The following CSMD1 variants were observed in gnomAD, a reference collection of about 807,000 sequenced individuals.
CSMD1 encodes the protein CUB and Sushi multiple domains 1.
Under a neutral mutation model 417.5 loss-of-function variants are expected in CSMD1, and 213 were observed. That is an observed-to-expected ratio of 0.51 (90% CI 0.46 to 0.57). The LOEUF (loss-of-function observed/expected upper bound fraction) is 0.57, where lower values mean the gene tolerates loss of function less well. Among genes scored for constraint, CSMD1 ranks in the 20% least tolerant of loss-of-function variants. The pLI is 0.00. For missense variants in CSMD1, 6,923 were observed against 4,529.7 expected (o/e 1.53, Z -15.17); for synonymous variants, 2,862 against 1,736.8 (o/e 1.65, Z -16.11).
intron 40 of CSMD1, among the ~76,000 whole-genome samples, chr8:3,143,552 A>G (rs117499126): frequency 0.053 from 8,079 of 152,268 alleles, 227 homozygotes; most frequent in Non-Finnish European, 0.067. Flanking sequence ...AACTTATTTG[A>G]CTACTATGTC....
intron 3 of CSMD1, among the ~76,000 whole-genome samples, chr8:4,270,093 A>C (rs148047306): frequency 6.6e-6 from 1 of 152,292 alleles, no homozygotes; most frequent in Non-Finnish European, 1.5e-5. Flanking sequence ...TGATCAGATC[A>C]ATATTTCAGC....
At chr8:2,959,653 C>T (rs1030324641) in intron 62 of CSMD1, among the ~76,000 whole-genome samples, 7 of 151,904 alleles carry the variant, frequency 4.6e-5, no homozygotes, top group Non-Finnish European at 1.0e-4. Flanking sequence ...GGCTGGAGAA[C>T]GGGAGGTAGT....
intron 1 of CSMD1, among the ~76,000 whole-genome samples, chr8:4,833,360 A>G (rs142458293): frequency 6.6e-6 from 1 of 152,278 alleles, no homozygotes; most frequent in Non-Finnish European, 1.5e-5. Flanking sequence ...AGGAAGTGCT[A>G]CACACTTTCA....
At position 4,748,220 on chromosome 8, in the gene CSMD1, G is replaced by T. The variant is rs560569658; in HGVS notation, c.86-110662C>A. On this transcript the variant is annotated intron_variant, in intron 1 of 69. Transcript: ENST00000635120. ...TGCTCAAATTCCTTTCTCTTAAATG[G>T]AAACAAGAAGAAAAGCAATTCAAGC... is the stretch of plus-strand genomic sequence containing the variant. Among the ~76,000 whole-genome samples the T allele has an allele frequency of 6.2e-4, 95 of 152,236 alleles. 2 individuals are homozygous for T. The South Asian group carries it at 8.7e-3, about 14-fold the overall frequency.
chr8:4,512,104 G>A (rs569838365), intron 2 of CSMD1, among the ~76,000 whole-genome samples: 2 of 152,106 alleles, frequency 1.3e-5, no homozygotes, highest in Non-Finnish European at 2.9e-5. Flanking sequence ...GTTTCACTGG[G>A]ATTCATCTCA....
chr8:4,574,286 T>C (rs558278624), intron 2 of CSMD1, among the ~76,000 whole-genome samples: 1 of 152,180 alleles, frequency 6.6e-6, no homozygotes, highest in Non-Finnish European at 1.5e-5. Context: ...GTTTGTTGGA[T>C]GCAGAAACTG....
intron 5 of CSMD1, among the ~76,000 whole-genome samples, chr8:3,815,596 A>C (rs990387121): frequency 9.3e-5 from 14 of 151,016 alleles, no homozygotes; most frequent in African/African-American, 3.4e-4. Context: ...AATTAATATG[A>C]CTTAAAAATG....
At chr8:2,957,636 G>T (rs945752867) in intron 63 of CSMD1, 60 bp downstream of exon 63, 1 of 1,069,156 alleles carries the variant, frequency 9.4e-7, no homozygotes, top group Non-Finnish European at 1.4e-6. Flanking sequence ...TGGTAAACAC[G>T]TCTCAGACAT....
chr8:4,421,905 G>C (rs1036964720), intron 2 of CSMD1, among the ~76,000 whole-genome samples: 2 of 151,916 alleles, frequency 1.3e-5, no homozygotes, highest in East Asian at 1.9e-4. Context: ...AATTGAAAAA[G>C]ACTGACTAAA....
intron 12 of CSMD1, among the ~76,000 whole-genome samples, chr8:3,433,498 G>T (rs574889638): frequency 3.9e-5 from 6 of 152,018 alleles, no homozygotes; most frequent in Admixed American, 2.0e-4. Flanking sequence ...TTGCTTCTTG[G>T]TTCATTTTTC....
At chr8:3,411,935 TATATATGCAC>T (rs1234274396) in intron 12 of CSMD1, among the ~76,000 whole-genome samples, 1 of 125,598 alleles carries the variant, frequency 8.0e-6, no homozygotes, top group African/African-American at 3.0e-5. Context: ...TATATACACG[TATATATGCAC>T]GTATATATAC....
rs1282186937 is a variant in CSMD1, at chr8:4,266,203, G to T, written c.415+153750C>A. On this transcript the variant is annotated intron_variant, in intron 3 of 69. Transcript: ENST00000635120. ...ATTCACCAAGTTGGAGGTTTTTTAC[G>T]TTATTTTTTCTAAGTGGAATGGTAA... is the stretch of plus-strand genomic sequence containing the variant. Among the ~76,000 whole-genome samples, 11 of 103,984 alleles carry T rather than the reference G, an allele frequency of 1.1e-4. 1 individual carries two copies. Among genetic ancestry groups the T allele is most frequent in the African/African-American group, 2.9e-4 (11 of 38,112 alleles). The allele number at this position is 103,984 out of a possible 152,430, so 68.2% of individuals were successfully genotyped here.
At chr8:3,054,086 G>C (rs996604449) in intron 49 of CSMD1, among the ~76,000 whole-genome samples, 1 of 152,170 alleles carries the variant, frequency 6.6e-6, no homozygotes, top group African/African-American at 2.4e-5. Context: ...CAAATCTTAT[G>C]ACTCCCAAAC....
intron 1 of CSMD1, among the ~76,000 whole-genome samples, chr8:4,983,113 A>G (rs577243243): frequency 6.6e-6 from 1 of 152,370 alleles, no homozygotes; most frequent in East Asian, 1.9e-4. Flanking sequence ...AAAAACAGTC[A>G]AGAAACAGAA....
intron 3 of CSMD1, among the ~76,000 whole-genome samples, chr8:4,418,053 T>C (rs768060581): frequency 6.6e-6 from 1 of 152,050 alleles, no homozygotes; most frequent in African/African-American, 2.4e-5. Flanking sequence ...GGAAGCTAAC[T>C]GATAAATAGA....
chr8:4,557,622 G>T (rs1251788841), intron 2 of CSMD1, among the ~76,000 whole-genome samples: 2 of 151,938 alleles, frequency 1.3e-5, no homozygotes, highest in African/African-American at 4.8e-5. Flanking sequence ...AAGGGGGACA[G>T]CAGTATCCCA....
chr8:4,349,528 T>C (rs1469290469), intron 3 of CSMD1, among the ~76,000 whole-genome samples: 2 of 152,144 alleles, frequency 1.3e-5, no homozygotes, highest in Non-Finnish European at 2.9e-5. Flanking sequence ...TTCAACAGCC[T>C]TTCTACTCTA....
chr8:3,866,745 C>A (rs1333254613), intron 5 of CSMD1, among the ~76,000 whole-genome samples: 7 of 152,304 alleles, frequency 4.6e-5, no homozygotes, highest in Middle Eastern at 3.4e-3. Flanking sequence ...AGGGATTCTC[C>A]TGATGGTACA....
chr8:3,740,431 C>A (rs1391749171), intron 6 of CSMD1, among the ~76,000 whole-genome samples: 2 of 152,138 alleles, frequency 1.3e-5, no homozygotes, highest in South Asian at 4.1e-4. Flanking sequence ...ATGCCTGGTA[C>A]AGAAAAATAG....
Sources: gnomAD v4.1 joint callset for allele counts (sites outside exome capture counted in the v4.1 genomes callset) on GRCh38, gnomAD v4.1.1 for gene constraint, MANE v1.5 for transcripts, NCBI Gene and HGNC (gene_info 2026-07-23, HGNC 2026-07-21) for gene names.